The following PRELID2 variants were observed in gnomAD, a reference collection of about 807,000 sequenced individuals.
The protein encoded by PRELID2 is PRELI domain containing 2, also known as PRELI domain-containing protein 2.
PRELID2 carries 25 observed loss-of-function variants against 28.4 expected under a neutral mutation model. The ratio of observed to expected loss-of-function variants is 0.88; its 90% CI spans 0.64 to 1.23. PRELID2 has a LOEUF of 1.23. Ranked by LOEUF, PRELID2 falls within the 50% of genes most tolerant of loss-of-function variation. The pLI is 0.00. For missense variants in PRELID2, 201 were observed against 214.4 expected (o/e 0.94, Z 0.39); for synonymous variants, 76 against 71.6 (o/e 1.06, Z -0.31).
intron 1 of PRELID2, among the ~76,000 whole-genome samples, chr5:145,724,128 T>C (rs932262814): frequency 6.6e-6 from 1 of 152,084 alleles, no homozygotes; most frequent in Non-Finnish European, 1.5e-5. Flanking sequence ...TATGTAAAAG[T>C]AGTTAATTAC....
chr5:145,796,440 AC>A lies in PRELID2; in HGVS notation c.474+1del, dbSNP rs1477169571. On this transcript the variant is annotated splice_donor_variant, in intron 5 of 6. Transcript: ENST00000683046. LOFTEE classifies it high-confidence loss of function. ...GTTGGTTCAAAGCAGAAATATGGTTACCTTCTGGGCTCCCTGTCGTAAGAAT... is the reference window on the plus strand; with the variant it reads ...GTTGGTTCAAAGCAGAAATATGGTTACTTCTGGGCTCCCTGTCGTAAGAAT... 6 of 1,596,798 alleles carry A rather than the reference AC, an allele frequency of 3.8e-6. No homozygotes were observed. In the Admixed American group the frequency reaches 6.8e-5, roughly 18 times the overall value.
chr5:145,787,400 T>A (rs1025717170), intron 5 of PRELID2, among the ~76,000 whole-genome samples: 1 of 152,168 alleles, frequency 6.6e-6, no homozygotes, highest in Non-Finnish European at 1.5e-5. Flanking sequence ...TGGTTTGAGA[T>A]TTTTGGGGAG....
the PRELID2 span, among the ~76,000 whole-genome samples, chr5:145,358,429 C>G: frequency 2.6e-5 from 4 of 152,060 alleles, no homozygotes; most frequent in Non-Finnish European, 5.9e-5. Context: ...GTCACCCGCC[C>G]TTCCATCCAG....
the PRELID2 span, among the ~76,000 whole-genome samples, chr5:145,380,585 T>C: frequency 6.6e-6 from 1 of 152,232 alleles, no homozygotes; most frequent in Admixed American, 6.5e-5. Context: ...TCATAGTAAG[T>C]ATGTTTTATT....
At chr5:145,784,068 G>A (rs904850924) in intron 5 of PRELID2, among the ~76,000 whole-genome samples, 2 of 152,002 alleles carry the variant, frequency 1.3e-5, no homozygotes, top group Non-Finnish European at 2.9e-5. Flanking sequence ...GATCACTTGA[G>A]GCCACAGGTC....
intron 1 of PRELID2, among the ~76,000 whole-genome samples, chr5:145,593,566 T>C (rs1019666490): frequency 6.6e-6 from 1 of 151,978 alleles, no homozygotes; most frequent in African/African-American, 2.4e-5. Flanking sequence ...TCCTAAGGAA[T>C]CAACTCATTA....
intron 5 of PRELID2, among the ~76,000 whole-genome samples, chr5:145,767,319 TA>T (rs1757826594): frequency 6.6e-6 from 1 of 152,010 alleles, no homozygotes; most frequent in Admixed American, 6.6e-5. Flanking sequence ...ATCACCTTTC[TA>T]CTCCATCCCC....
At chr5:145,415,365 C>T in the PRELID2 span, among the ~76,000 whole-genome samples, 36 of 151,492 alleles carry the variant, frequency 2.4e-4, no homozygotes, top group Admixed American at 5.9e-4. Flanking sequence ...ATGTGCCATG[C>T]TGGTGTGCTG....
intron 2 of PRELID2, among the ~76,000 whole-genome samples, chr5:145,820,487 CAAAGAG>C (rs1754706018): frequency 6.6e-6 from 1 of 152,092 alleles, no homozygotes; most frequent in Non-Finnish European, 1.5e-5. Context: ...TGCTCAACTC[CAAAGAG>C]AATGTTTCAA....
At chr5:145,300,978 T>C in the PRELID2 span, among the ~76,000 whole-genome samples, 2 of 152,044 alleles carry the variant, frequency 1.3e-5, no homozygotes, top group Non-Finnish European at 2.9e-5. Context: ...GTAAAATAGA[T>C]TTTTATTATT....
At chr5:145,745,289 C>A (rs191415637) in intron 1 of PRELID2, among the ~76,000 whole-genome samples, 22 of 152,318 alleles carry the variant, frequency 1.4e-4, no homozygotes, top group African/African-American at 5.1e-4. Flanking sequence ...AAACACACTT[C>A]AGGATATTAT....
chr5:145,494,527 C>A (rs1407518714), intron 1 of PRELID2, among the ~76,000 whole-genome samples: 1 of 152,070 alleles, frequency 6.6e-6, no homozygotes, highest in Non-Finnish European at 1.5e-5. Context: ...CAAGATCACA[C>A]ATTTAAGTTA....
intron 1 of PRELID2, among the ~76,000 whole-genome samples, chr5:145,669,826 C>T (rs942550334): frequency 3.3e-5 from 5 of 152,142 alleles, no homozygotes; most frequent in South Asian, 2.1e-4. Flanking sequence ...TTTACCAAAT[C>T]GACTCATTCT....
At chr5:145,355,322 TTTAG>T in the PRELID2 span, among the ~76,000 whole-genome samples, 1 of 152,182 alleles carries the variant, frequency 6.6e-6, no homozygotes, top group Non-Finnish European at 1.5e-5. Context: ...TCATGTGTAA[TTTAG>T]TTAATGTAAA....
At chr5:145,408,983 C>T in the PRELID2 span, among the ~76,000 whole-genome samples, 28 of 152,120 alleles carry the variant, frequency 1.8e-4, no homozygotes, top group South Asian at 2.7e-3. Flanking sequence ...CATCAGGTAA[C>T]CTATACAGAA....
At chr5:145,391,589 A>G in the PRELID2 span, among the ~76,000 whole-genome samples, 2 of 151,766 alleles carry the variant, frequency 1.3e-5, no homozygotes, top group South Asian at 4.2e-4. Context: ...TGCCCTGGAG[A>G]TATTTTCCCC....
At chr5:145,774,173 C>G (rs899321865) in intron 5 of PRELID2, among the ~76,000 whole-genome samples, 1 of 152,188 alleles carries the variant, frequency 6.6e-6, no homozygotes, top group Non-Finnish European at 1.5e-5. Context: ...TCTCATTTAA[C>G]CCTCTCAATA....
intron 1 of PRELID2, among the ~76,000 whole-genome samples, chr5:145,501,775 A>G (rs1752361585): frequency 6.6e-6 from 1 of 152,156 alleles, no homozygotes; most frequent in Non-Finnish European, 1.5e-5. Context: ...CACCTCTGTG[A>G]CATTTTCCTT....
chr5:145,529,370 C>T (rs1465758451), intron 1 of PRELID2, among the ~76,000 whole-genome samples: 1 of 152,130 alleles, frequency 6.6e-6, no homozygotes, highest in African/African-American at 2.4e-5. Context: ...CTCAGTCTTT[C>T]TCATTTTTCT....
Sources: gnomAD v4.1 joint callset for allele counts (sites outside exome capture counted in the v4.1 genomes callset) on GRCh38, gnomAD v4.1.1 for gene constraint, MANE v1.5 for transcripts, NCBI Gene and HGNC (gene_info 2026-07-23, HGNC 2026-07-21) for gene names.